The following PLCB4 variants were observed in gnomAD, a reference collection of about 807,000 sequenced individuals.
PLCB4 encodes phospholipase C beta 4.
A neutral mutation model predicts 178.8 loss-of-function variants in PLCB4; 77 were observed. The ratio of observed to expected loss-of-function variants is 0.43; its 90% CI spans 0.36 to 0.52. The LOEUF is 0.52. Among genes scored for constraint, PLCB4 ranks in the 20% least tolerant of loss-of-function variants. The probability of loss-of-function intolerance (pLI) is 0.00; values close to 1 mark genes in which losing one functional copy is unlikely to be tolerated. For synonymous variants in PLCB4, 496 were observed against 490.8 expected (o/e 1.01, Z -0.14); for missense variants, 1,024 against 1,453.4 (o/e 0.70, Z 4.80).
chr20:9,321,974 A>C (rs1264626074), intron 4 of PLCB4, among the ~76,000 whole-genome samples: 1 of 137,790 alleles, frequency 7.3e-6, no homozygotes, highest in African/African-American at 2.8e-5. Context: ...TTGATACAGG[A>C]CCTCACTCTG....
chr20:9,351,503 A>G (rs1016106119), intron 7 of PLCB4, among the ~76,000 whole-genome samples: 3 of 152,156 alleles, frequency 2.0e-5, no homozygotes, highest in Non-Finnish European at 4.4e-5. Flanking sequence ...CTAAGGATTC[A>G]TTTATTCATA....
At chr20:9,471,306 A>G (rs1054719757) in intron 36 of PLCB4, among the ~76,000 whole-genome samples, 1 of 152,212 alleles carries the variant, frequency 6.6e-6, no homozygotes, top group Non-Finnish European at 1.5e-5. Flanking sequence ...AAAGCAAAAA[A>G]TACTGAAATA....
intron 3 of PLCB4, among the ~76,000 whole-genome samples, chr20:9,301,747 A>AC (rs2094706730): frequency 6.6e-6 from 1 of 152,024 alleles, no homozygotes; most frequent in Non-Finnish European, 1.5e-5. Flanking sequence ...AGCTTTTGCC[A>AC]CTTGCTCTGG....
intron 3 of PLCB4, among the ~76,000 whole-genome samples, chr20:9,281,616 A>G (rs533267677): frequency 6.6e-5 from 10 of 152,114 alleles, no homozygotes; most frequent in African/African-American, 2.4e-4. Flanking sequence ...TTTATTACCT[A>G]AAACTGCTAA....
intron 2 of PLCB4, among the ~76,000 whole-genome samples, chr20:9,114,640 C>T (rs1400405376): frequency 6.6e-6 from 1 of 152,126 alleles, no homozygotes; most frequent in African/African-American, 2.4e-5. Context: ...GGGAGGAAGA[C>T]TATCAAGTTC....
chr20:9,272,287 G>A lies in PLCB4; in HGVS notation c.-15-35513G>A, dbSNP rs559858944. ...CTTTGTTGCTGTTGCAATGAGGTTC[G>A]CTGTATCACTTGAAAATAATTTGAA... On this transcript the variant is annotated intron_variant, in intron 3 of 39. Transcript: ENST00000378473. 5.3e-5 allele frequency among the ~76,000 whole-genome samples: 8 copies of A among 152,120 alleles called. No homozygotes were observed. In the East Asian group the frequency reaches 1.4e-3, roughly 26 times the overall value.
chr20:9,139,490 T>C (rs762534226), intron 2 of PLCB4, among the ~76,000 whole-genome samples: 1 of 152,082 alleles, frequency 6.6e-6, no homozygotes, highest in Non-Finnish European at 1.5e-5. Flanking sequence ...GTAGTTTCTT[T>C]CCATGTGGCT....
intron 2 of PLCB4, among the ~76,000 whole-genome samples, chr20:9,145,640 C>A (rs1032050095): frequency 6.6e-6 from 1 of 151,930 alleles, no homozygotes; most frequent in African/African-American, 2.4e-5. Flanking sequence ...GTGTGGCTTC[C>A]CATTCGTTCA....
chr20:9,097,232 C>CTTTTTTT (rs544568591), intron 2 of PLCB4, among the ~76,000 whole-genome samples: 1 of 81,074 alleles, frequency 1.2e-5, no homozygotes, highest in Non-Finnish European at 2.4e-5. Context: ...ACAGCCTGGC[C>CTTTTTTT]TTTTTTTTTT....
intron 1 of PLCB4, among the ~76,000 whole-genome samples, chr20:9,095,926 C>T (rs1034351845): frequency 3.3e-5 from 5 of 152,062 alleles, no homozygotes; most frequent in Non-Finnish European, 7.4e-5. Context: ...TTATATATTT[C>T]CTTCTTTGTT....
intron 39 of PLCB4, among the ~76,000 whole-genome samples, chr20:9,478,354 C>A (rs1317987336): frequency 6.6e-6 from 1 of 152,126 alleles, no homozygotes; most frequent in African/African-American, 2.4e-5. Flanking sequence ...TGAAAGCCTG[C>A]ATGTTCCTGT....
intron 2 of PLCB4, among the ~76,000 whole-genome samples, chr20:9,169,585 T>TAATA (rs11473517): frequency 0.18 from 26,654 of 144,344 alleles, 2,659 homozygotes; most frequent in African/African-American, 0.24. Flanking sequence ...CAAGACTGTC[T>TAATA]AATAAATAAA....
At chr20:9,444,332 C>G in intron 32 of PLCB4, 89 bp downstream of exon 32, 1 of 761,116 alleles carries the variant, frequency 1.3e-6, no homozygotes, top group South Asian at 1.6e-5. Flanking sequence ...TACCAGACCA[C>G]TTAACAGTAA....
At chr20:9,361,201 G>A (rs1230899661) in intron 7 of PLCB4, among the ~76,000 whole-genome samples, 1 of 152,204 alleles carries the variant, frequency 6.6e-6, no homozygotes, top group Non-Finnish European at 1.5e-5. Context: ...ATTGAAAGCA[G>A]TAACTTATTT....
At chr20:9,071,087 G>C (rs2089549886) in intron 1 of PLCB4, among the ~76,000 whole-genome samples, 1 of 152,098 alleles carries the variant, frequency 6.6e-6, no homozygotes, top group Non-Finnish European at 1.5e-5. Flanking sequence ...ATCGTGAGGC[G>C]GTGTGTTTTT....
intron 34 of PLCB4, among the ~76,000 whole-genome samples, chr20:9,458,462 A>G (rs1204299076): frequency 2.0e-5 from 3 of 152,246 alleles, no homozygotes; most frequent in Non-Finnish European, 2.9e-5. Flanking sequence ...ACTGTGTCAA[A>G]GAAGAGCACA....
chr20:9,174,919 G>A (rs745790858), intron 2 of PLCB4, among the ~76,000 whole-genome samples: 3 of 152,152 alleles, frequency 2.0e-5, no homozygotes, highest in Admixed American at 1.3e-4. Context: ...CAATTTGTCC[G>A]TCTTTGTTTC....
chr20:9,395,563 A>T lies in PLCB4; in HGVS notation c.1455A>T (p.Glu485Asp). The T allele has an allele frequency of 6.2e-7, 1 of 1,613,916 alleles. No homozygotes were observed. Among genetic ancestry groups the T allele is most frequent in the Admixed American group, 1.7e-5 (1 of 60,022 alleles). Residue 485 changes from glutamate to aspartate, a missense_variant, in exon 19 of 40, where the codon GAA (glutamate) becomes GAT (aspartate). This residue lies in a region of PLCB4 where 263 missense variants were observed against 417.4 expected (regional missense o/e 0.63). Transcript: ENST00000378473. ...TGAGAAGCATGATGGAAGCTGGAGA[A>T]TCTGCCTCCCCAGCAAACATCTTAG... ...EALRSMMEAG[E>D]SASPANILED...
At chr20:9,250,719 G>A (rs936502273) in intron 3 of PLCB4, among the ~76,000 whole-genome samples, 1 of 152,188 alleles carries the variant, frequency 6.6e-6, no homozygotes, top group African/African-American at 2.4e-5. Context: ...AACACAGTGA[G>A]TAATGAATCT....
Sources: allele counts gnomAD v4.1 joint callset (sites outside exome capture counted in the v4.1 genomes callset), GRCh38; gene constraint gnomAD v4.1.1; regional missense constraint gnomAD v4.1.1; transcripts MANE v1.5; gene names NCBI Gene and HGNC (gene_info 2026-07-23, HGNC 2026-07-21).